GPC5: variants seen among roughly 807,000 people sequenced by gnomAD.
GPC5 encodes glypican 5, also known as glypican-5.
In GPC5, 47 loss-of-function variants were observed where a neutral mutation model predicts 53.9. The ratio of observed to expected loss-of-function variants is 0.87; its 90% confidence interval spans 0.69 to 1.11. The LOEUF (loss-of-function observed/expected upper bound fraction) is 1.11, where lower values mean the gene tolerates loss of function less well. Ranked by LOEUF, GPC5 falls within the 50% of genes most tolerant of loss-of-function variation. The pLI, the probability that GPC5 is intolerant of heterozygous loss-of-function variation, is 0.00. For synonymous variants in GPC5, 286 were observed against 263.3 expected (o/e 1.09, Z -0.84); for missense variants, 748 against 713.1 (o/e 1.05, Z -0.56).
chr13:92,776,520 G>T (rs999736687), intron 7 of GPC5, among the ~76,000 whole-genome samples: 2 of 152,190 alleles, frequency 1.3e-5, no homozygotes, highest in African/African-American at 4.8e-5. Flanking sequence ...AGATTCTGGG[G>T]ATAAGGGTGT....
At position 92,763,544 on chromosome 13, in the gene GPC5, A is replaced by C. The variant is rs553777160; in HGVS notation, c.1562-102738A>C. ...TGATCCTCTTGGTATCAGGTCTGAC[A>C]CAGCCCACAAGCTGCTGCAGGAGCT... On this transcript the variant is annotated intron_variant, in intron 7 of 7. Transcript: ENST00000377067. Among the ~76,000 whole-genome samples, 7 of 152,284 alleles carry C rather than the reference A, an allele frequency of 4.6e-5. No homozygotes were observed. The East Asian group carries it at 1.4e-3, about 30-fold the overall frequency.
intron 7 of GPC5, among the ~76,000 whole-genome samples, chr13:92,404,061 A>G (rs1197569410): frequency 2.0e-5 from 3 of 152,222 alleles, no homozygotes; most frequent in Non-Finnish European, 4.4e-5. Flanking sequence ...TGCATTATGA[A>G]CTTGTCCAAT....
chr13:92,323,658 G>C (rs2043230926), intron 7 of GPC5, among the ~76,000 whole-genome samples: 1 of 151,680 alleles, frequency 6.6e-6, no homozygotes, highest in Non-Finnish European at 1.5e-5. Context: ...AATAGGACTT[G>C]AAAAGAAAGA....
intron 6 of GPC5, among the ~76,000 whole-genome samples, chr13:92,041,384 C>G (rs1267750418): frequency 6.6e-6 from 1 of 152,184 alleles, no homozygotes; most frequent in Non-Finnish European, 1.5e-5. Context: ...GTAATCAGAA[C>G]AGAATGTGAG....
At chr13:92,762,534 A>G (rs1213756048) in intron 7 of GPC5, among the ~76,000 whole-genome samples, 2 of 152,170 alleles carry the variant, frequency 1.3e-5, no homozygotes, top group African/African-American at 2.4e-5. Flanking sequence ...TTGACAATTT[A>G]ATTATAATGT....
At chr13:92,230,166 G>A (rs1029425655) in intron 7 of GPC5, among the ~76,000 whole-genome samples, 1 of 152,154 alleles carries the variant, frequency 6.6e-6, no homozygotes, top group African/African-American at 2.4e-5. Flanking sequence ...AGCTTTGCAA[G>A]TCATATGCAC....
At chr13:92,041,572 G>C (rs950335458) in intron 6 of GPC5, among the ~76,000 whole-genome samples, 1 of 152,180 alleles carries the variant, frequency 6.6e-6, no homozygotes, top group African/African-American at 2.4e-5. Context: ...TGACAGTCTA[G>C]AAAACTGCCT....
chr13:92,546,237 C>T (rs1882106095), intron 7 of GPC5, among the ~76,000 whole-genome samples: 1 of 152,150 alleles, frequency 6.6e-6, no homozygotes, highest in South Asian at 2.1e-4. Flanking sequence ...TCCGCATTTG[C>T]AGATGACATG....
intron 7 of GPC5, among the ~76,000 whole-genome samples, chr13:92,224,839 C>T (rs1419375892): frequency 6.6e-6 from 1 of 152,214 alleles, no homozygotes; most frequent in Non-Finnish European, 1.5e-5. Context: ...TGCCTGGTTT[C>T]TTACAGACTT....
intron 7 of GPC5, among the ~76,000 whole-genome samples, chr13:92,703,026 C>T (rs1413199716): frequency 2.7e-5 from 4 of 150,594 alleles, no homozygotes; most frequent in African/African-American, 9.8e-5. Context: ...CCTTATACTC[C>T]TCATCCCTAT....
chr13:92,801,274 C>G (rs1235721227), intron 7 of GPC5, among the ~76,000 whole-genome samples: 1 of 151,630 alleles, frequency 6.6e-6, no homozygotes, highest in East Asian at 1.9e-4. Context: ...CGACCACAGA[C>G]TGCATATACG....
intron 7 of GPC5, among the ~76,000 whole-genome samples, chr13:92,702,820 A>G (rs1887796693): frequency 6.6e-6 from 1 of 151,944 alleles, no homozygotes; most frequent in African/African-American, 2.4e-5. Context: ...ATGTAACTCT[A>G]TGTGATCTCC....
intron 2 of GPC5, among the ~76,000 whole-genome samples, chr13:91,540,714 T>G (rs2029883465): frequency 6.6e-6 from 1 of 152,236 alleles, no homozygotes; most frequent in Non-Finnish European, 1.5e-5. Flanking sequence ...GGAAAATTTC[T>G]TCTTGTCATT....
intron 7 of GPC5, among the ~76,000 whole-genome samples, chr13:92,193,043 C>G (rs1054894586): frequency 6.6e-6 from 1 of 151,948 alleles, no homozygotes; most frequent in African/African-American, 2.4e-5. Context: ...GGTGTGTTGG[C>G]GAGTGCCTGT....
intron 2 of GPC5, among the ~76,000 whole-genome samples, chr13:91,550,676 T>C (rs1488970214): frequency 6.6e-6 from 1 of 152,074 alleles, no homozygotes; most frequent in African/African-American, 2.4e-5. Context: ...AATTTTTTGA[T>C]TTTTCTGAGA....
rs9301734 is a variant in GPC5 at position 91,510,827 on chromosome 13, A to T, written c.325+61905A>T. ...TACTTTTGAGGAAGTTAACTTTTTC[A>T]GTTGTTTTATTAACTAATTTTATTT... is the stretch of plus-strand genomic sequence containing the variant. On this transcript the variant is annotated intron_variant, in intron 2 of 7. Transcript: ENST00000377067. 3.8e-3 allele frequency among the ~76,000 whole-genome samples: 581 copies of T among 151,960 alleles called. 2 individuals are homozygous for T. Among genetic ancestry groups the T allele is most frequent in the Non-Finnish European group, 6.0e-3 (406 of 67,930 alleles).
At chr13:91,914,868 C>T (rs941740701) in intron 6 of GPC5, among the ~76,000 whole-genome samples, 4 of 152,084 alleles carry the variant, frequency 2.6e-5, no homozygotes, top group African/African-American at 9.7e-5. Flanking sequence ...AAATCACTTG[C>T]TATAAAACAA....
At chr13:92,243,046 G>A (rs1170900648) in intron 7 of GPC5, among the ~76,000 whole-genome samples, 2 of 152,114 alleles carry the variant, frequency 1.3e-5, no homozygotes, top group Admixed American at 6.6e-5. Context: ...ATTGTTTGTA[G>A]TTACATTAAA....
rs757436599 is a variant in GPC5 at position 91,478,795 on chromosome 13, T to TTATATATATATATATA, written c.325+29886_325+29901dup. Among the ~76,000 whole-genome samples, 279 of 55,246 alleles carry TTATATATATATATATA rather than the reference T, an allele frequency of 5.1e-3. 1 individual carries two copies. Among genetic ancestry groups the TTATATATATATATATA allele is most frequent in the South Asian group, 9.8e-3 (13 of 1,326 alleles). 36.2% of individuals were successfully genotyped at this position (55,246 alleles called of 152,430 possible). A position where few individuals can be genotyped will look rare whatever the true frequency, so the allele number is the denominator to read the frequency against. ...GAAGTTACTTATCCTCCATTTGAGT[T>TTATATATATATATATA]TATATATATATATATATATATATAT... On this transcript the variant is annotated intron_variant, in intron 2 of 7. Coordinates refer to ENST00000377067, the MANE Select transcript of GPC5 (RefSeq NM_004466.6).
Sources: allele counts gnomAD v4.1 joint callset (sites outside exome capture counted in the v4.1 genomes callset), GRCh38; gene constraint gnomAD v4.1.1; transcripts MANE v1.5; gene names NCBI Gene and HGNC (gene_info 2026-07-23, HGNC 2026-07-21).